GPHN: variants seen among roughly 807,000 people sequenced by gnomAD.
GPHN encodes gephyrin.
A neutral mutation model predicts 95.5 loss-of-function variants in GPHN; 17 were observed. That is an observed-to-expected ratio of 0.18 (90% CI 0.12 to 0.27). GPHN has a LOEUF of 0.27. Ranked by LOEUF, GPHN falls within the 10% of genes least tolerant of loss-of-function variation. GPHN has a pLI of 1.00. For missense variants in GPHN, 660 were observed against 978.1 expected (o/e 0.67, Z 4.34); for synonymous variants, 320 against 322.5 (o/e 0.99, Z 0.08).
At chr14:67,259,188 A>G in the GPHN span, among the ~76,000 whole-genome samples, 7 of 151,610 alleles carry the variant, frequency 4.6e-5, no homozygotes, top group Admixed American at 2.6e-4. Flanking sequence ...TGAATGTTCT[A>G]TGTATGTATA....
intron 2 of GPHN, among the ~76,000 whole-genome samples, chr14:66,706,695 A>C (rs903591865): frequency 6.6e-6 from 1 of 152,220 alleles, no homozygotes; most frequent in Non-Finnish European, 1.5e-5. Flanking sequence ...TGTAAAACCC[A>C]AAACTATAAA....
rs532454088 is a variant in GPHN at position 67,165,066 on chromosome 14, T to C, written c.1911-96T>C. 2.8e-4 allele frequency: 232 copies of C among 832,138 alleles called. 3 individuals carry two copies. In the South Asian group the frequency reaches 3.2e-3, roughly 11 times the overall value. The allele number at this position is 832,138 out of a possible 1,614,324, so 51.5% of individuals were successfully genotyped here. On this transcript the variant is annotated intron_variant, in intron 19 of 22. Coordinates refer to ENST00000478722, the MANE Select transcript of GPHN (RefSeq NM_020806.5). ...CAAGTCAACAGAAAAGTGTTTTTTA[T>C]ATGATAAGTGTATGGATTACAAAAA...
the GPHN span, among the ~76,000 whole-genome samples, chr14:67,604,222 C>T: frequency 2.0e-5 from 3 of 152,272 alleles, no homozygotes; most frequent in East Asian, 1.9e-4. Context: ...CTCATCTGTC[C>T]ATTTAAGGAA....
chr14:66,608,068 G>T (rs1284458610), intron 1 of GPHN, among the ~76,000 whole-genome samples: 2 of 145,546 alleles, frequency 1.4e-5, no homozygotes, highest in Non-Finnish European at 3.0e-5. Context: ...GTTCCTCTAG[G>T]TACAAAGTTA....
At chr14:67,623,406 CTGCCGG>C in the GPHN span, among the ~76,000 whole-genome samples, 2 of 152,194 alleles carry the variant, frequency 1.3e-5, no homozygotes, top group Admixed American at 6.5e-5. Flanking sequence ...ATGTCACAGG[CTGCCGG>C]TGTTACCATA....
At chr14:66,781,747 C>G (rs1237685138) in intron 3 of GPHN, among the ~76,000 whole-genome samples, 1 of 152,154 alleles carries the variant, frequency 6.6e-6, no homozygotes, top group East Asian at 1.9e-4. Context: ...AAATACACCA[C>G]TGTACCACAG....
the GPHN span, among the ~76,000 whole-genome samples, chr14:67,657,685 A>G: frequency 0.093 from 14,077 of 151,792 alleles, 685 homozygotes; most frequent in Middle Eastern, 0.2. Context: ...CACTGGCAGT[A>G]GGACCATCAA....
At chr14:67,134,953 C>CTTCT (rs573340363) in intron 17 of GPHN, among the ~76,000 whole-genome samples, 3 of 45,252 alleles carry the variant, frequency 6.6e-5, no homozygotes, top group Non-Finnish European at 1.3e-4. Context: ...TTTCTTTCTT[C>CTTCT]TTTTTTTTTT....
At chr14:67,422,778 G>A in the GPHN span, among the ~76,000 whole-genome samples, 9 of 150,650 alleles carry the variant, frequency 6.0e-5, no homozygotes, top group African/African-American at 2.2e-4. Flanking sequence ...CGATTCCAGA[G>A]TAGATGCAAT....
chr14:66,871,783 G>A (rs1476187188), intron 4 of GPHN, among the ~76,000 whole-genome samples: 2 of 152,084 alleles, frequency 1.3e-5, no homozygotes, highest in African/African-American at 2.4e-5. Context: ...GGCGGGGTGA[G>A]GGGGAAGGGG....
chr14:66,771,217 A>G (rs940617105), intron 2 of GPHN, among the ~76,000 whole-genome samples: 1 of 152,204 alleles, frequency 6.6e-6, no homozygotes, highest in Admixed American at 6.5e-5. Context: ...GAACTGTGAT[A>G]AATCTTTGAT....
chr14:67,458,310 G>T, the GPHN span, among the ~76,000 whole-genome samples: 1 of 152,044 alleles, frequency 6.6e-6, no homozygotes, highest in Admixed American at 6.6e-5. Flanking sequence ...ATTGATGTGC[G>T]GTACAGTGTC....
chr14:66,526,432 G>A (rs1231239996), intron 1 of GPHN, among the ~76,000 whole-genome samples: 1 of 152,168 alleles, frequency 6.6e-6, no homozygotes, highest in Admixed American at 6.5e-5. Flanking sequence ...TGCAAACAGA[G>A]ACAATTTGAC....
chr14:67,643,170 C>G, the GPHN span, among the ~76,000 whole-genome samples: 8 of 152,208 alleles, frequency 5.3e-5, no homozygotes, highest in South Asian at 1.7e-3. Context: ...TTGATCCTGT[C>G]TCCTCCTGAA....
At chr14:66,808,056 C>G (rs1256918103) in intron 3 of GPHN, among the ~76,000 whole-genome samples, 4 of 152,174 alleles carry the variant, frequency 2.6e-5, no homozygotes, top group Admixed American at 1.3e-4. Context: ...TATTGTCAAT[C>G]TTTTTCCATT....
rs527581046 is a variant in GPHN, at chr14:66,614,000, G to C, written c.65-67107G>C. Among the ~76,000 whole-genome samples the C allele has an allele frequency of 9.9e-5, 15 of 151,908 alleles. No individual in the cohort carries two copies. In the South Asian group the frequency reaches 2.9e-3, roughly 29 times the overall value. The stretch of plus-strand genomic sequence containing the variant: ...TATGTGTTTATGTCTTATCTCTCCC[G>C]GCTGGAAATTTTTTGGCGGCAGTAT... On this transcript the variant is annotated intron_variant, in intron 1 of 22. Coordinates refer to ENST00000478722, the MANE Select transcript of GPHN (RefSeq NM_020806.5).
intron 11 of GPHN, among the ~76,000 whole-genome samples, chr14:67,070,159 T>C (rs1353347740): frequency 6.6e-6 from 1 of 152,086 alleles, no homozygotes; most frequent in Non-Finnish European, 1.5e-5. Flanking sequence ...TGCTAAAATA[T>C]GCACATCTCA....
intron 4 of GPHN, among the ~76,000 whole-genome samples, chr14:66,836,862 A>G (rs1338234081): frequency 3.3e-5 from 5 of 152,078 alleles, no homozygotes; most frequent in African/African-American, 1.2e-4. Context: ...GTCACTGGCC[A>G]TCAGAGAAAT....
chr14:67,419,915 G>A, the GPHN span, among the ~76,000 whole-genome samples: 1 of 152,064 alleles, frequency 6.6e-6, no homozygotes, highest in Admixed American at 6.5e-5. Context: ...TCCCCAGAGC[G>A]GGTGCTTTTT....
Sources: allele counts gnomAD v4.1 joint callset (sites outside exome capture counted in the v4.1 genomes callset), GRCh38; gene constraint gnomAD v4.1.1; transcripts MANE v1.5; gene names NCBI Gene and HGNC (gene_info 2026-07-23, HGNC 2026-07-21).